STX18: variants seen among roughly 807,000 people sequenced by gnomAD.
STX18 encodes syntaxin-18.
STX18 carries 40 observed loss-of-function variants against 50.1 expected under a neutral mutation model. That is an observed-to-expected ratio of 0.80 (90% CI 0.62 to 1.04). STX18 has a LOEUF of 1.04. STX18 is among the 50% of genes least tolerant of loss of function. The pLI is 0.00. For synonymous variants in STX18, 158 were observed against 151.8 expected (o/e 1.04, Z -0.30); for missense variants, 410 against 415.8 (o/e 0.99, Z 0.12).
chr4:4,539,587 T>G (rs1731486719), intron 1 of STX18, among the ~76,000 whole-genome samples: 1 of 152,218 alleles, frequency 6.6e-6, no homozygotes, highest in Non-Finnish European at 1.5e-5. Context: ...ACACAGCCCA[T>G]GAACTCACTT....
chr4:4,488,824 A>G (rs988789805), intron 1 of STX18, among the ~76,000 whole-genome samples: 1 of 152,188 alleles, frequency 6.6e-6, no homozygotes, highest in African/African-American at 2.4e-5. Flanking sequence ...TCTAAGAGCC[A>G]GGAGACAGTC....
In STX18 at chr4:4,420,966, C is replaced by G. The variant is rs754867904; in HGVS notation, c.832-22G>C. On this transcript the variant is annotated intron_variant, in intron 9 of 10. Transcript: ENST00000306200. The surrounding 1 kb of genome is among the most constrained non-coding windows in gnomAD (Gnocchi z 4.3). ...CTTCCTGTGGAAGAAAAGATAAATA[C>G]AAGTTGAGTATCCTTTATCCAAAAA... 1.2e-6 allele frequency: 2 copies of G among 1,611,386 alleles called. No individual in the cohort carries two copies. The highest frequency in any genetic ancestry group is 1.7e-6 in the Non-Finnish European group (2 of 1,177,770).
At chr4:4,454,917 A>G (rs1473022603) in intron 5 of STX18, among the ~76,000 whole-genome samples, 1 of 152,248 alleles carries the variant, frequency 6.6e-6, no homozygotes, top group African/African-American at 2.4e-5. Flanking sequence ...AGTGGTAGAT[A>G]ATAGTACAAA....
At chr4:4,523,552 A>C (rs932670605) in intron 1 of STX18, among the ~76,000 whole-genome samples, 1 of 152,162 alleles carries the variant, frequency 6.6e-6, no homozygotes, top group Non-Finnish European at 1.5e-5. Context: ...TCACAATGAA[A>C]ACCTCAAAGT....
At chr4:4,435,899 C>A (rs1187080847) in intron 6 of STX18, among the ~76,000 whole-genome samples, 1 of 152,118 alleles carries the variant, frequency 6.6e-6, no homozygotes, top group Non-Finnish European at 1.5e-5. Flanking sequence ...CAGTTCATCA[C>A]CGGGGTAGGG....
intron 1 of STX18, among the ~76,000 whole-genome samples, chr4:4,503,625 C>T (rs958930176): frequency 3.3e-5 from 5 of 152,048 alleles, no homozygotes; most frequent in African/African-American, 4.8e-5. Flanking sequence ...AACTTATCCA[C>T]GTAACCAAAA....
chr4:4,483,064 C>T (rs1728537730), intron 1 of STX18, among the ~76,000 whole-genome samples: 1 of 152,078 alleles, frequency 6.6e-6, no homozygotes, highest in Non-Finnish European at 1.5e-5. Flanking sequence ...TAGATCCAAC[C>T]TTCTTACTGC....
chr4:4,423,204 C>G (rs1034783732), intron 9 of STX18, among the ~76,000 whole-genome samples: 2 of 152,196 alleles, frequency 1.3e-5, no homozygotes, highest in Non-Finnish European at 2.9e-5. Context: ...TGGGGGCTAC[C>G]TAGCTTACCC....
intron 1 of STX18, among the ~76,000 whole-genome samples, chr4:4,474,905 A>T (rs908608815): frequency 2.0e-5 from 3 of 152,264 alleles, no homozygotes; most frequent in African/African-American, 4.8e-5. Context: ...GTTGTAAGCC[A>T]CAAGTTTGAT....
At chr4:4,539,028 G>T (rs1731464236) in intron 1 of STX18, among the ~76,000 whole-genome samples, 1 of 152,128 alleles carries the variant, frequency 6.6e-6, no homozygotes, top group Non-Finnish European at 1.5e-5. Flanking sequence ...AAAGAATGAT[G>T]CAGAAGCAAT....
intron 1 of STX18, among the ~76,000 whole-genome samples, chr4:4,486,662 T>C (rs1174999724): frequency 6.6e-6 from 1 of 152,222 alleles, no homozygotes; most frequent in Non-Finnish European, 1.5e-5. Context: ...CGGAGCTGTA[T>C]TTGAAATTAG....
intron 1 of STX18, among the ~76,000 whole-genome samples, chr4:4,479,441 G>C (rs191966284): frequency 1.6e-4 from 25 of 152,270 alleles, no homozygotes; most frequent in African/African-American, 5.8e-4. Flanking sequence ...CTGTAGAAGG[G>C]ACATAGTGAG....
At chr4:4,423,293 A>C (rs1432098590) in intron 9 of STX18, among the ~76,000 whole-genome samples, 1 of 152,230 alleles carries the variant, frequency 6.6e-6, no homozygotes, top group African/African-American at 2.4e-5. Context: ...TGGGGTGGTC[A>C]GTGGGTCCCC....
intron 9 of STX18, among the ~76,000 whole-genome samples, chr4:4,423,107 C>T (rs948127596): frequency 9.2e-5 from 14 of 152,240 alleles, no homozygotes; most frequent in Admixed American, 3.9e-4. Flanking sequence ...CCGTCAGCAT[C>T]GTGCTGGATG....
chr4:4,429,753 CA>C (rs1725431057), intron 7 of STX18, among the ~76,000 whole-genome samples: 1 of 152,198 alleles, frequency 6.6e-6, no homozygotes, highest in Non-Finnish European at 1.5e-5. Flanking sequence ...AGGGTCTGTC[CA>C]GCTCTCACTA....
Position 4,443,445 on chromosome 4 carries a change from T to C in STX18, c.498-4936A>G, listed in dbSNP as rs1215708843. Among the ~76,000 whole-genome samples the C allele has an allele frequency of 2.6e-5, 4 of 152,254 alleles. No homozygotes were observed. The South Asian group carries it at 8.3e-4, about 31-fold the overall frequency. On this transcript the variant is annotated intron_variant, in intron 5 of 10. Transcript: ENST00000306200. ...CGTACAAAATCTACAGTTAGCATCA[T>C]ACTTTATGATGAAAGCCTAAGTGTT...
intron 1 of STX18, among the ~76,000 whole-genome samples, chr4:4,498,221 T>C (rs937619747): frequency 6.6e-6 from 1 of 152,198 alleles, no homozygotes; most frequent in Non-Finnish European, 1.5e-5. Context: ...TGAGGGCTTT[T>C]TTTCTTTTTA....
chr4:4,532,447 AC>A (rs1731143899), intron 1 of STX18, among the ~76,000 whole-genome samples: 1 of 131,714 alleles, frequency 7.6e-6, no homozygotes. Context: ...AACTTTGAAA[AC>A]AACAACAACA....
intron 1 of STX18, among the ~76,000 whole-genome samples, chr4:4,500,775 C>T (rs1420931763): frequency 6.6e-6 from 1 of 152,212 alleles, no homozygotes; most frequent in African/African-American, 2.4e-5. Context: ...GTGGCTCACA[C>T]CTGTAATCCC....
Sources: allele counts gnomAD v4.1 joint callset (sites outside exome capture counted in the v4.1 genomes callset), GRCh38; gene constraint gnomAD v4.1.1; non-coding constraint Gnocchi (gnomAD v3.1); transcripts MANE v1.5; gene names NCBI Gene and HGNC (gene_info 2026-07-23, HGNC 2026-07-21).